The following MITF variants were observed in gnomAD, a reference collection of about 807,000 sequenced individuals.
MITF encodes melanocyte inducing transcription factor, also known as microphthalmia-associated transcription factor.
In MITF, 17 loss-of-function variants were observed where a neutral mutation model predicts 60.5. That is an observed-to-expected ratio of 0.28 (90% CI 0.19 to 0.42). The LOEUF is 0.42. Ranked by LOEUF, MITF falls within the 10% of genes least tolerant of loss-of-function variation. The probability of loss-of-function intolerance (pLI) is 1.00; values close to 1 mark genes in which losing one functional copy is unlikely to be tolerated. For synonymous variants in MITF, 260 were observed against 248.5 expected (o/e 1.05, Z -0.43); for missense variants, 622 against 683.5 (o/e 0.91, Z 1.00).
chr3:69,906,082 T>C (rs1481512627), intron 2 of MITF, among the ~76,000 whole-genome samples: 1 of 152,180 alleles, frequency 6.6e-6, no homozygotes, highest in Non-Finnish European at 1.5e-5. Context: ...CTATGTTTTC[T>C]TTTAGAATGT....
intron 1 of MITF, among the ~76,000 whole-genome samples, chr3:69,757,978 C>T (rs1188532755): frequency 7.0e-6 from 1 of 143,822 alleles, no homozygotes; most frequent in Non-Finnish European, 1.5e-5. Context: ...AGGAAAAGAA[C>T]CTGGAGTTAC....
At chr3:69,882,911 CT>C (rs2064523051) in intron 2 of MITF, among the ~76,000 whole-genome samples, 2 of 152,276 alleles carry the variant, frequency 1.3e-5, no homozygotes, top group East Asian at 3.9e-4. Flanking sequence ...CGGTTGAAAG[CT>C]TGAAAACATT....
chr3:69,811,615 A>G (rs2063101603), intron 1 of MITF, among the ~76,000 whole-genome samples: 1 of 152,222 alleles, frequency 6.6e-6, no homozygotes, highest in Non-Finnish European at 1.5e-5. Flanking sequence ...TGCCACAGCT[A>G]ATCAAGCCAG....
intron 6 of MITF, among the ~76,000 whole-genome samples, chr3:69,950,413 C>G (rs1335869612): frequency 6.7e-6 from 1 of 148,920 alleles, no homozygotes; most frequent in Non-Finnish European, 1.5e-5. Flanking sequence ...ATGATTTGAA[C>G]TGACCATCAC....
intron 1 of MITF, among the ~76,000 whole-genome samples, chr3:69,877,680 G>A (rs1487070536): frequency 2.0e-5 from 3 of 152,108 alleles, no homozygotes; most frequent in South Asian, 2.1e-4. Flanking sequence ...CTGGGATAGC[G>A]TGAGGGTAAA....
chr3:69,853,329 A>G (rs757027917), intron 1 of MITF, among the ~76,000 whole-genome samples: 2 of 152,184 alleles, frequency 1.3e-5, no homozygotes, highest in Non-Finnish European at 2.9e-5. Flanking sequence ...ACCTTAGCCA[A>G]TTATGCCAAA....
chr3:69,967,329 G>A lies in MITF; in HGVS notation c.*2081G>A, dbSNP rs529350650. 8.2e-5 allele frequency: 19 copies of A among 232,772 alleles called. No individual in the cohort carries two copies. In the East Asian group the frequency reaches 1.2e-3, roughly 14 times the overall value. The allele number at this position is 232,772 out of a possible 1,614,324, so 14.4% of individuals were successfully genotyped here. Reference sequence around the variant, plus strand: ...CTAGAATAGTGACGCAAATCTGCATGAACAGCTAATTGTACCATAGTGTTC... The same window carrying A: ...CTAGAATAGTGACGCAAATCTGCATAAACAGCTAATTGTACCATAGTGTTC... On this transcript the variant is annotated 3_prime_UTR_variant, in exon 10 of 10. Transcript: ENST00000352241.
At chr3:69,906,898 C>T (rs1391786854) in intron 2 of MITF, among the ~76,000 whole-genome samples, 1 of 152,100 alleles carries the variant, frequency 6.6e-6, no homozygotes, top group African/African-American at 2.4e-5. Flanking sequence ...GCTTCTTTGA[C>T]CACACATCTA....
intron 1 of MITF, among the ~76,000 whole-genome samples, chr3:69,852,540 A>G (rs1222570130): frequency 6.6e-6 from 1 of 152,206 alleles, no homozygotes; most frequent in East Asian, 1.9e-4. Context: ...TGATTACATC[A>G]CCATTTATCC....
intron 2 of MITF, among the ~76,000 whole-genome samples, chr3:69,911,090 G>T (rs12493992): frequency 6.6e-6 from 1 of 152,060 alleles, no homozygotes; most frequent in East Asian, 1.9e-4. Context: ...AGTCTTTCCC[G>T]TGCTATTCTC....
chr3:69,952,728 C>T (rs1012919954), intron 7 of MITF, among the ~76,000 whole-genome samples: 1 of 152,186 alleles, frequency 6.6e-6, no homozygotes, highest in Non-Finnish European at 1.5e-5. Flanking sequence ...AATATAGACA[C>T]ATGCACACAG....
At chr3:69,786,446 TATC>T (rs1172725947) in intron 1 of MITF, among the ~76,000 whole-genome samples, 6 of 152,334 alleles carry the variant, frequency 3.9e-5, no homozygotes, top group African/African-American at 1.4e-4. Context: ...TCATATCAAA[TATC>T]TAGAGTTCCT....
At chr3:69,757,594 A>T (rs1449130062) in intron 1 of MITF, among the ~76,000 whole-genome samples, 1 of 152,162 alleles carries the variant, frequency 6.6e-6, no homozygotes, top group Non-Finnish European at 1.5e-5. Flanking sequence ...TCTGCTGTGT[A>T]GGCTGGTGTT....
At chr3:69,824,285 C>T (rs1444416408) in intron 1 of MITF, among the ~76,000 whole-genome samples, 1 of 152,084 alleles carries the variant, frequency 6.6e-6, no homozygotes, top group Non-Finnish European at 1.5e-5. Flanking sequence ...AACTGTTTTC[C>T]CTCTAAATCA....
chr3:69,951,805 T>C lies in MITF; in HGVS notation c.881-7T>C. 6.2e-7 allele frequency: 1 copy of C among 1,612,410 alleles called. No individual in the cohort carries two copies. Among genetic ancestry groups the C allele is most frequent in the South Asian group, 1.1e-5 (1 of 91,032 alleles). On this transcript the variant is annotated splice_region_variant and splice_polypyrimidine_tract_variant and intron_variant, in intron 6 of 9. Coordinates refer to ENST00000352241, the MANE Select transcript of MITF (RefSeq NM_001354604.2). The stretch of plus-strand genomic sequence containing the variant: ...CCAACTTCTAATGACTTCATTCACG[T>C]GCACAGCGTGTATTTTTCCCACAGA...
chr3:69,910,404 C>T (rs1038353510), intron 2 of MITF, among the ~76,000 whole-genome samples: 6 of 152,178 alleles, frequency 3.9e-5, no homozygotes, highest in Middle Eastern at 3.2e-3. Context: ...CATAGAGTCC[C>T]TAGTGGGACA....
At chr3:69,775,007 G>C (rs2062451308) in intron 1 of MITF, among the ~76,000 whole-genome samples, 1 of 152,054 alleles carries the variant, frequency 6.6e-6, no homozygotes, top group Admixed American at 6.6e-5. Flanking sequence ...CTGCCATCTT[G>C]AACATTTTCC....
At position 69,959,411 on chromosome 3, in the gene MITF, C is replaced by T. The variant is rs1305201443; in HGVS notation, c.1170C>T (p.Leu390=). 1 of 1,613,852 alleles carries T rather than the reference C, an allele frequency of 6.2e-7. No homozygotes were observed. The highest frequency in any genetic ancestry group is 1.1e-5 in the South Asian group (1 of 91,048). ...KLEHANRHLL[L]RIQELEMQAR... is the part of the protein sequence containing the mutation. ...AGCACGCCAACCGGCATTTGTTGCTCAGAATACAGGTACGCAGCCTGAGTT... is the reference window on the plus strand; with the variant it reads ...AGCACGCCAACCGGCATTTGTTGCTTAGAATACAGGTACGCAGCCTGAGTT... The change falls in exon 9 of 10, where the codon CTC becomes CTT. Residue 390 remains leucine, a synonymous_variant. Coordinates refer to ENST00000352241, the MANE Select transcript of MITF (RefSeq NM_001354604.2).
chr3:69,930,782 C>A (rs1232266015), intron 2 of MITF, among the ~76,000 whole-genome samples: 1 of 152,230 alleles, frequency 6.6e-6, no homozygotes, highest in African/African-American at 2.4e-5. Context: ...CTAGCCCAGA[C>A]TTGTGGCATC....
Sources: allele counts gnomAD v4.1 joint callset (sites outside exome capture counted in the v4.1 genomes callset), GRCh38; gene constraint gnomAD v4.1.1; transcripts MANE v1.5; gene names NCBI Gene and HGNC (gene_info 2026-07-23, HGNC 2026-07-21).